The following GMPS variants were observed in gnomAD, a reference collection of about 807,000 sequenced individuals.
GMPS encodes the protein GMP synthase [glutamine-hydrolyzing].
GMPS carries 15 observed loss-of-function variants against 77.9 expected under a neutral mutation model. The ratio of observed to expected loss-of-function variants is 0.19; its 90% confidence interval spans 0.13 to 0.30. The LOEUF is 0.30. Among genes scored for constraint, GMPS ranks in the 10% least tolerant of loss-of-function variants. The pLI, the probability that GMPS is intolerant of heterozygous loss-of-function variation, is 1.00. For synonymous variants in GMPS, 224 were observed against 275.9 expected, an observed-to-expected ratio of 0.81 and a Z score of 1.86; for missense variants, 590 against 838.8, an observed-to-expected ratio of 0.70 and a Z score of 3.66.
intron 10 of GMPS, among the ~76,000 whole-genome samples, chr3:155,921,659 G>A (rs1179886865): frequency 6.6e-6 from 1 of 152,096 alleles, no homozygotes; most frequent in Non-Finnish European, 1.5e-5. Context: ...AGGCATGGCT[G>A]CCGGTGCTTG....
intron 1 of GMPS, among the ~76,000 whole-genome samples, chr3:155,891,054 G>A (rs774557048): frequency 3.3e-5 from 5 of 152,192 alleles, no homozygotes; most frequent in African/African-American, 4.8e-5. Context: ...TGATCCTGAT[G>A]TTCATCTGTT....
In GMPS at chr3:155,870,869, C is replaced by T; in HGVS notation, c.-2C>T. 6.6e-7 allele frequency: 1 copy of T among 1,507,988 alleles called. No homozygotes were observed. Among genetic ancestry groups the T allele is most frequent in the Non-Finnish European group, 8.8e-7 (1 of 1,131,856 alleles). The allele number at this position is 1,507,988 out of a possible 1,614,324, so 93.4% of individuals were successfully genotyped here. A position where few individuals can be genotyped will look rare whatever the true frequency, so the allele number is the denominator to read the frequency against. On this transcript the variant is annotated 5_prime_UTR_variant, in exon 1 of 16. Transcript: ENST00000496455. ...ACCGCCGCGGCTCCGGCCCTGGCCC[C>T]GATGGCTCTGTGCAACGGAGACTCC...
chr3:155,887,817 T>C (rs1470360508), intron 1 of GMPS, among the ~76,000 whole-genome samples: 5 of 152,116 alleles, frequency 3.3e-5, no homozygotes, highest in Non-Finnish European at 7.3e-5. Context: ...TGTATGTAGA[T>C]GGAAATAAAG....
chr3:155,933,164 C>A (rs1467880942), intron 13 of GMPS, among the ~76,000 whole-genome samples: 1 of 151,978 alleles, frequency 6.6e-6, no homozygotes, highest in Non-Finnish European at 1.5e-5. Context: ...TGCACTCAAG[C>A]CTGGGCGACA....
intron 7 of GMPS, among the ~76,000 whole-genome samples, chr3:155,913,511 C>G (rs917286720): frequency 2.8e-5 from 4 of 141,958 alleles, no homozygotes; most frequent in African/African-American, 1.0e-4. Context: ...AGAGGGAAAA[C>G]AATCAGCATA....
intron 10 of GMPS, among the ~76,000 whole-genome samples, chr3:155,920,590 GA>G (rs889414615): frequency 1.2e-3 from 133 of 115,212 alleles, no homozygotes; most frequent in Admixed American, 6.5e-3. Flanking sequence ...AAAAAAAAAA[GA>G]AAAAAAAAAA....
At chr3:155,891,868 A>G (rs1358333735) in intron 1 of GMPS, among the ~76,000 whole-genome samples, 2 of 152,024 alleles carry the variant, frequency 1.3e-5, no homozygotes, top group African/African-American at 4.8e-5. Context: ...GGCCTCCCAA[A>G]GTGCTGCGAT....
At chr3:155,911,925 G>C (rs1387849671) in intron 7 of GMPS, among the ~76,000 whole-genome samples, 1 of 151,798 alleles carries the variant, frequency 6.6e-6, no homozygotes, top group Non-Finnish European at 1.5e-5. Context: ...CTCAGGTATG[G>C]GTATACAGAT....
chr3:155,932,277 A>AACACACACAC (rs10548751), intron 13 of GMPS, among the ~76,000 whole-genome samples: 7 of 141,150 alleles, frequency 5.0e-5, no homozygotes, highest in Non-Finnish European at 7.7e-5. Flanking sequence ...CAAATAAAGT[A>AACACACACAC]ACACACACAC....
At chr3:155,889,887 A>C (rs890833146) in intron 1 of GMPS, among the ~76,000 whole-genome samples, 3 of 152,314 alleles carry the variant, frequency 2.0e-5, no homozygotes, top group Admixed American at 6.5e-5. Context: ...TCTTTTTAAT[A>C]GCTTTATGTA....
At chr3:155,907,516 G>A (rs1422853151) in intron 5 of GMPS, among the ~76,000 whole-genome samples, 1 of 152,038 alleles carries the variant, frequency 6.6e-6, no homozygotes, top group African/African-American at 2.4e-5. Flanking sequence ...TTGGCCCTAA[G>A]AGATCATGAC....
intron 1 of GMPS, among the ~76,000 whole-genome samples, chr3:155,887,992 G>A (rs1450453666): frequency 6.6e-6 from 1 of 152,064 alleles, no homozygotes; most frequent in African/African-American, 2.4e-5. Context: ...TTTAGTTTAG[G>A]TTCCAACTTC....
intron 11 of GMPS, among the ~76,000 whole-genome samples, chr3:155,924,049 T>G (rs1005051014): frequency 1.3e-5 from 2 of 152,158 alleles, no homozygotes; most frequent in Non-Finnish European, 2.9e-5. Flanking sequence ...CTTGGCTAAT[T>G]TTGTATTTTT....
chr3:155,893,711 A>G lies in GMPS; in HGVS notation c.209+12A>G, dbSNP rs1333001193. Reference sequence around the variant, plus strand: ...GAACAAGGATTCCGGTAGACTTTTCACTAATCTTTTCATGAGGAGATTGAA... The same window carrying G: ...GAACAAGGATTCCGGTAGACTTTTCGCTAATCTTTTCATGAGGAGATTGAA... On this transcript the variant is annotated intron_variant, in intron 2 of 15. Transcript: ENST00000496455. The G allele has an allele frequency of 1.3e-6, 2 of 1,506,578 alleles. No homozygotes were observed. The highest frequency in any genetic ancestry group is 1.8e-6 in the Non-Finnish European group (2 of 1,096,090). 93.3% of individuals were successfully genotyped at this position (1,506,578 alleles called of 1,614,324 possible).
At chr3:155,871,650 T>G (rs1196484652) in intron 1 of GMPS, among the ~76,000 whole-genome samples, 1 of 152,122 alleles carries the variant, frequency 6.6e-6, no homozygotes, top group South Asian at 2.1e-4. Context: ...GCTTGCTCCC[T>G]GTCGAGCTTG....
chr3:155,912,376 G>A (rs1404548494), intron 7 of GMPS, among the ~76,000 whole-genome samples: 1 of 152,220 alleles, frequency 6.6e-6, no homozygotes, highest in African/African-American at 2.4e-5. Flanking sequence ...AGCTAGGGGG[G>A]TCTCTCCCAA....
chr3:155,908,173 G>C (rs1197294877), intron 5 of GMPS, among the ~76,000 whole-genome samples: 1 of 152,212 alleles, frequency 6.6e-6, no homozygotes, highest in Non-Finnish European at 1.5e-5. Flanking sequence ...GCGTTGTCAG[G>C]ATCAGGATAG....
intron 1 of GMPS, among the ~76,000 whole-genome samples, chr3:155,873,917 G>A (rs1300807348): frequency 2.0e-5 from 3 of 152,070 alleles, no homozygotes; most frequent in Non-Finnish European, 4.4e-5. Context: ...TTACAGGCGT[G>A]AGCCACCATG....
chr3:155,873,735 C>T (rs757780180), intron 1 of GMPS, among the ~76,000 whole-genome samples: 53 of 147,568 alleles, frequency 3.6e-4, no homozygotes, highest in South Asian at 1.1e-3. Context: ...CCTAGGTTCA[C>T]GCAGTTCTCC....
Sources: allele counts gnomAD v4.1 joint callset (sites outside exome capture counted in the v4.1 genomes callset), GRCh38; gene constraint gnomAD v4.1.1; transcripts MANE v1.5; gene names NCBI Gene and HGNC (gene_info 2026-07-23, HGNC 2026-07-21).